The following NF1 variants were observed in gnomAD, a reference collection of about 807,000 sequenced individuals.
NF1 encodes neurofibromin.
Under a neutral mutation model 325.7 loss-of-function variants are expected in NF1, and 122 were observed. That is an observed-to-expected ratio of 0.37 (90% CI 0.32 to 0.44). The LOEUF (loss-of-function observed/expected upper bound fraction) is 0.44, where lower values mean the gene tolerates loss of function less well. Ranked by LOEUF, NF1 falls within the 20% of genes least tolerant of loss-of-function variation. NF1 has a pLI of 1.00. For synonymous variants in NF1, 1,091 were observed against 1,186.0 expected, an observed-to-expected ratio of 0.92 and a Z score of 1.65; for missense variants, 2,140 against 3,415.4, an observed-to-expected ratio of 0.63 and a Z score of 9.31.
At position 31,242,241 on chromosome 17, in the gene NF1, G is replaced by C. The variant is rs2067308126; in HGVS notation, c.3974+6220G>C. ...ATCTTCTTTGGTTTAAATCTGTTTG[G>C]TGTTCTGTAACCTTCCTGGACTTGA... On this transcript the variant is annotated intron_variant, in intron 29 of 57. Coordinates refer to ENST00000358273, the MANE Select transcript of NF1 (RefSeq NM_001042492.3). Among the ~76,000 whole-genome samples the C allele has an allele frequency of 2.0e-5, 3 of 147,740 alleles. No homozygotes were observed. The South Asian group carries it at 6.4e-4, about 32-fold the overall frequency.
At chr17:31,128,313 C>T (rs1452884011) in intron 1 of NF1, 1 of 152,000 alleles carries the variant, frequency 6.6e-6, no homozygotes, top group Non-Finnish European at 1.5e-5. Flanking sequence ...GGCATTTAGC[C>T]CGTTTACATT....
chr17:31,232,239 C>T (rs2151434018), intron 25 of NF1, 50 bp downstream of exon 25: 3 of 1,108,786 alleles, frequency 2.7e-6, no homozygotes, highest in Non-Finnish European at 4.2e-6. Flanking sequence ...ATAAAGCCCC[C>T]CACCACACAA....
At chr17:31,108,523 G>A (rs899267512) in intron 1 of NF1, among the ~76,000 whole-genome samples, 6 of 151,946 alleles carry the variant, frequency 3.9e-5, no homozygotes, top group Admixed American at 2.0e-4. Flanking sequence ...TGATCCACCC[G>A]CCTCAGTCTC....
At chr17:31,139,830 T>C (rs1416583961) in intron 1 of NF1, among the ~76,000 whole-genome samples, 1 of 152,208 alleles carries the variant, frequency 6.6e-6, no homozygotes, top group Non-Finnish European at 1.5e-5. Flanking sequence ...AATATTATTT[T>C]ACAGTTCAAG....
intron 36 of NF1, chr17:31,294,591 G>A (rs926551374): frequency 2.6e-5 from 5 of 189,252 alleles, no homozygotes; most frequent in Admixed American, 2.2e-4. Context: ...AACAAAAATG[G>A]TGAGGTCATT....
chr17:31,225,397 T>C (rs1255723954), intron 17 of NF1, 147 bp downstream of exon 17: 15 of 878,750 alleles, frequency 1.7e-5, no homozygotes, highest in Non-Finnish European at 2.7e-5. Context: ...TGTGGAACTT[T>C]GGGCAAGTTC....
At chr17:31,197,796 T>C (rs757587624) in intron 8 of NF1, among the ~76,000 whole-genome samples, 1 of 152,216 alleles carries the variant, frequency 6.6e-6, no homozygotes, top group Non-Finnish European at 1.5e-5. Flanking sequence ...TTTTCCATCT[T>C]TTTCTTGCCT....
intron 8 of NF1, among the ~76,000 whole-genome samples, chr17:31,188,235 G>A (rs530290907): frequency 6.6e-6 from 1 of 152,332 alleles, no homozygotes; most frequent in African/African-American, 2.4e-5. Flanking sequence ...ATCAATACCA[G>A]CTACGACTGC....
At chr17:31,367,522 A>G (rs577721541) in intron 57 of NF1, among the ~76,000 whole-genome samples, 21 of 152,352 alleles carry the variant, frequency 1.4e-4, no homozygotes, top group African/African-American at 4.8e-4. Context: ...ATGCAATCCC[A>G]TACCTGGACT....
intron 36 of NF1, among the ~76,000 whole-genome samples, chr17:31,316,478 G>C (rs1299230897): frequency 1.3e-5 from 2 of 152,116 alleles, no homozygotes; most frequent in Non-Finnish European, 2.9e-5. Flanking sequence ...TGTTTGACCA[G>C]TATGTTGAAT....
rs752771632 is a variant in NF1 at position 31,295,534 on chromosome 17, C to T, written c.4835+30195C>T. On this transcript the variant is annotated intron_variant, in intron 36 of 57. Coordinates refer to ENST00000358273, the MANE Select transcript of NF1 (RefSeq NM_001042492.3). ...AGGTAAATCCAGAAGGTGTGGGATA[C>T]ATGTTATGTTCCTTTAAAGATGATA... 4 of 1,614,108 alleles carry T rather than the reference C, an allele frequency of 2.5e-6. No individual in the cohort carries two copies. The Admixed American group carries it at 5.0e-5, about 20-fold the overall frequency.
At chr17:31,310,285 G>A (rs577085398) in intron 36 of NF1, among the ~76,000 whole-genome samples, 1 of 152,094 alleles carries the variant, frequency 6.6e-6, no homozygotes, top group East Asian at 1.9e-4. Flanking sequence ...ACTCTAGGAA[G>A]CAGCGAACAG....
At chr17:31,122,992 A>T (rs1381357175) in intron 1 of NF1, among the ~76,000 whole-genome samples, 1 of 152,146 alleles carries the variant, frequency 6.6e-6, no homozygotes, top group East Asian at 1.9e-4. Context: ...TTAGTACGTG[A>T]CTAAATAGCT....
Position 31,350,405 on chromosome 17 carries a change from G to A in NF1, c.7457+87G>A, listed in dbSNP as rs2070111093. The A allele has an allele frequency of 4.3e-6, 5 of 1,171,320 alleles. No homozygotes were observed. The South Asian group carries it at 5.1e-5, about 12-fold the overall frequency. The allele number at this position is 1,171,320 out of a possible 1,614,324, so 72.6% of individuals were successfully genotyped here. On this transcript the variant is annotated intron_variant, in intron 50 of 57. Transcript: ENST00000358273. ...TGGAGGCAAGCAGCAGAGTAATCTA[G>A]AAGGTAACATGGGAGAAATCTAGAG...
chr17:31,234,053 C>G (rs2002312), intron 27 of NF1, among the ~76,000 whole-genome samples: 1,832 of 152,258 alleles, frequency 0.012, 48 homozygotes, highest in African/African-American at 0.042. Flanking sequence ...TTTAGAGCAC[C>G]CTTGCTGCTG....
At position 31,201,189 on chromosome 17, in the gene NF1, T is replaced by C. The variant is rs148776322; in HGVS notation, c.1185+30T>C. On this transcript the variant is annotated intron_variant, in intron 10 of 57. Transcript: ENST00000358273. ...GAGCATTGGTTTTTATCTAACTATA[T>C]TTACTGATGCTGTTATCCTTTATAA... 928 of 1,613,594 alleles carry C rather than the reference T, an allele frequency of 5.8e-4. 8 individuals carry two copies. In the African/African-American group the frequency reaches 0.011, roughly 19 times the overall value.
intron 1 of NF1, among the ~76,000 whole-genome samples, chr17:31,119,423 G>T (rs1025241155): frequency 1.3e-5 from 2 of 150,670 alleles, no homozygotes; most frequent in Admixed American, 6.6e-5. Flanking sequence ...CTTCTTTTGA[G>T]AAGTGTCTGT....
intron 37 of NF1, 31 bp downstream of exon 37, chr17:31,326,283 T>C (rs1206266875): frequency 2.5e-6 from 4 of 1,591,224 alleles, no homozygotes; most frequent in South Asian, 2.2e-5. Context: ...TGTAAACGAT[T>C]CATTGCTTTT....
At chr17:31,354,033 AT>A (rs1271231934) in intron 51 of NF1, among the ~76,000 whole-genome samples, 4 of 152,200 alleles carry the variant, frequency 2.6e-5, no homozygotes, top group Non-Finnish European at 5.9e-5. Context: ...GTAATTCTGG[AT>A]TTTCATGCCA....
Sources: gnomAD v4.1 joint callset for allele counts (sites outside exome capture counted in the v4.1 genomes callset) on GRCh38, gnomAD v4.1.1 for gene constraint, MANE v1.5 for transcripts, NCBI Gene and HGNC (gene_info 2026-07-23, HGNC 2026-07-21) for gene names.